Variants in MYBL1 observed in about 807,000 individuals in gnomAD.
MYBL1 encodes the protein myb-related protein A.
MYBL1 carries 17 observed loss-of-function variants against 96.3 expected under a neutral mutation model. The ratio of observed to expected loss-of-function variants is 0.18; its 90% CI spans 0.12 to 0.26. MYBL1 has a LOEUF of 0.26. Ranked by LOEUF, MYBL1 falls within the 10% of genes least tolerant of loss-of-function variation. MYBL1 has a pLI of 1.00. For missense variants in MYBL1, 701 were observed against 882.9 expected, an observed-to-expected ratio of 0.79 and a Z score of 2.61; for synonymous variants, 282 against 292.7, an observed-to-expected ratio of 0.96 and a Z score of 0.37.
At chr8:66,586,725 T>C (rs1809435927) in intron 8 of MYBL1, among the ~76,000 whole-genome samples, 1 of 152,206 alleles carries the variant, frequency 6.6e-6, no homozygotes, top group Non-Finnish European at 1.5e-5. Flanking sequence ...ATGTTTATTA[T>C]AGCACTATTC....
intron 8 of MYBL1, among the ~76,000 whole-genome samples, chr8:66,592,207 G>A (rs1271834295): frequency 1.3e-5 from 2 of 152,084 alleles, no homozygotes; most frequent in Non-Finnish European, 2.9e-5. Context: ...CAAGGCTTCA[G>A]TGAGCAGTGA....
At chr8:66,595,858 T>A (rs1236858731) in intron 5 of MYBL1, 101 bp from the exon 6 acceptor site, 3 of 623,836 alleles carry the variant, frequency 4.8e-6, no homozygotes, top group African/African-American at 3.8e-5. Flanking sequence ...TTTACACTGA[T>A]GAAATTAGAT....
chr8:66,592,399 T>A (rs147130176), intron 8 of MYBL1, 41 bp downstream of exon 8: 14 of 1,302,944 alleles, frequency 1.1e-5, no homozygotes, highest in Non-Finnish European at 1.5e-5. Flanking sequence ...AAAGCATATA[T>A]GAAAGATTCT....
At chr8:66,574,531 C>T (rs1808858875) in intron 10 of MYBL1, among the ~76,000 whole-genome samples, 1 of 152,190 alleles carries the variant, frequency 6.6e-6, no homozygotes, top group Admixed American at 6.5e-5. Flanking sequence ...CCAGATCCTG[C>T]TTATCTCCCC....
intron 1 of MYBL1, among the ~76,000 whole-genome samples, chr8:66,604,060 T>TA (rs1246562918): frequency 1.3e-5 from 2 of 149,648 alleles, no homozygotes; most frequent in African/African-American, 4.9e-5. Flanking sequence ...TGTAGAGAAA[T>TA]AAAACAGAAT....
chr8:66,583,965 T>C (rs1809313645), intron 8 of MYBL1, among the ~76,000 whole-genome samples: 1 of 152,078 alleles, frequency 6.6e-6, no homozygotes, highest in Non-Finnish European at 1.5e-5. Context: ...TTCTACAAGG[T>C]CAACATTACC....
intron 1 of MYBL1, among the ~76,000 whole-genome samples, chr8:66,603,965 G>GA (rs111391272): frequency 2.6e-4 from 38 of 145,446 alleles, no homozygotes; most frequent in South Asian, 1.1e-3. Flanking sequence ...CAATTCATAT[G>GA]AAAAAAAAAA....
chr8:66,602,733 ATTTTTTTTT>A (rs143426704), intron 1 of MYBL1, among the ~76,000 whole-genome samples: 10 of 28,168 alleles, frequency 3.6e-4, no homozygotes, highest in African/African-American at 7.3e-4. Context: ...ATATATATAT[ATTTTTTTTT>A]TTTTTTTTTT....
intron 8 of MYBL1, among the ~76,000 whole-genome samples, chr8:66,582,740 T>TA (rs932823027): frequency 3.5e-5 from 5 of 141,092 alleles, no homozygotes; most frequent in African/African-American, 5.2e-5. Context: ...AAAAACCCTA[T>TA]AAAAAAAGAC....
intron 8 of MYBL1, among the ~76,000 whole-genome samples, chr8:66,591,542 A>T (rs1357899845): frequency 6.6e-6 from 1 of 152,076 alleles, no homozygotes; most frequent in Non-Finnish European, 1.5e-5. Flanking sequence ...GGTAACCAAC[A>T]CCCAACATCT....
intron 6 of MYBL1, 64 bp downstream of exon 6, chr8:66,595,519 A>G (rs911668099): frequency 9.4e-7 from 1 of 1,068,990 alleles, no homozygotes; most frequent in Non-Finnish European, 1.2e-6. Context: ...TAAGAAACCA[A>G]ACATCTTCCC....
chr8:66,574,032 T>A (rs1808839222), intron 10 of MYBL1, among the ~76,000 whole-genome samples: 1 of 152,184 alleles, frequency 6.6e-6, no homozygotes, highest in Non-Finnish European at 1.5e-5. Context: ...GAACAGAACC[T>A]CTAAGCAGTC....
intron 8 of MYBL1, among the ~76,000 whole-genome samples, chr8:66,589,637 T>C (rs914844665): frequency 1.3e-5 from 2 of 152,088 alleles, no homozygotes; most frequent in East Asian, 1.9e-4. Flanking sequence ...TGTGCCACCA[T>C]GCCTATCTAT....
At chr8:66,611,153 T>C (rs1810511653) in intron 1 of MYBL1, among the ~76,000 whole-genome samples, 1 of 152,264 alleles carries the variant, frequency 6.6e-6, no homozygotes, top group South Asian at 2.1e-4. Flanking sequence ...AACATTCGTG[T>C]CTAGCCATAA....
chr8:66,602,376 T>C, intron 2 of MYBL1, 42 bp downstream of exon 2: 2 of 1,416,932 alleles, frequency 1.4e-6, no homozygotes, highest in Non-Finnish European at 1.9e-6. Context: ...TATTAACCAA[T>C]AAATACATGT....
intron 8 of MYBL1, among the ~76,000 whole-genome samples, 177 bp from the exon 9 acceptor site, chr8:66,580,543 T>C (rs1809165220): frequency 6.6e-6 from 1 of 152,210 alleles, no homozygotes. Flanking sequence ...TTTTTCTAAT[T>C]AAAATTTTTA....
At chr8:66,594,459 G>T (rs1311493599) in intron 6 of MYBL1, among the ~76,000 whole-genome samples, 1 of 151,824 alleles carries the variant, frequency 6.6e-6, no homozygotes, top group Non-Finnish European at 1.5e-5. Flanking sequence ...TAAATTAAAA[G>T]GGAAACAATT....
chr8:66,610,817 T>C (rs1472660949), intron 1 of MYBL1, among the ~76,000 whole-genome samples: 1 of 152,102 alleles, frequency 6.6e-6, no homozygotes, highest in Non-Finnish European at 1.5e-5. Context: ...AGATACATCA[T>C]TCAGAGATGA....
chr8:66,575,964 A>C (rs931493636), intron 10 of MYBL1, 43 bp downstream of exon 10: 1 of 1,559,850 alleles, frequency 6.4e-7, no homozygotes, highest in Non-Finnish European at 8.7e-7. Flanking sequence ...ATTTAATGTA[A>C]CTCATTGACA....
Sources: allele counts gnomAD v4.1 joint callset (sites outside exome capture counted in the v4.1 genomes callset), GRCh38; gene constraint gnomAD v4.1.1; transcripts MANE v1.5; gene names NCBI Gene and HGNC (gene_info 2026-07-23, HGNC 2026-07-21).